JPH1: variants seen among roughly 807,000 people sequenced by gnomAD.
JPH1 encodes the protein junctophilin-1.
Under a neutral mutation model 53.6 loss-of-function variants are expected in JPH1, and 12 were observed. That is an observed-to-expected ratio of 0.22 (90% confidence interval 0.14 to 0.36). The LOEUF (loss-of-function observed/expected upper bound fraction) is 0.36. JPH1 is among the 10% of genes least tolerant of loss of function. The pLI, the probability that JPH1 is intolerant of heterozygous loss-of-function variation, is 1.00. For synonymous variants in JPH1, 375 were observed against 363.8 expected, an observed-to-expected ratio of 1.03 and a Z score of -0.35; for missense variants, 808 against 905.5, an observed-to-expected ratio of 0.89 and a Z score of 1.38.
At chr8:74,251,668 C>A (rs1180397600) in intron 3 of JPH1, among the ~76,000 whole-genome samples, 1 of 152,034 alleles carries the variant, frequency 6.6e-6, no homozygotes, top group Non-Finnish European at 1.5e-5. Flanking sequence ...CTACTAGCAA[C>A]CTTTTTTTCT....
chr8:74,298,198 G>A lies in JPH1; in HGVS notation c.1139+16663C>T, dbSNP rs754490020. On this transcript the variant is annotated intron_variant, in intron 2 of 5. Transcript: ENST00000342232. ...TATCTTTTTATCTATCACCTTGAAT[G>A]TCCACACATCAGATTCACTATCTTT... 6.5e-4 allele frequency among the ~76,000 whole-genome samples: 99 copies of A among 152,142 alleles called. 2 individuals carry two copies. Among genetic ancestry groups the A allele is most frequent in the Non-Finnish European group, 7.1e-4 (48 of 68,034 alleles).
At chr8:74,262,252 A>G (rs1806416135) in intron 2 of JPH1, among the ~76,000 whole-genome samples, 1 of 152,228 alleles carries the variant, frequency 6.6e-6, no homozygotes, top group Admixed American at 6.5e-5. Context: ...CTGTACAGCT[A>G]AGGCCACTGG....
intron 2 of JPH1, among the ~76,000 whole-genome samples, chr8:74,267,822 G>A (rs528233718): frequency 6.6e-6 from 1 of 152,346 alleles, no homozygotes; most frequent in African/African-American, 2.4e-5. Flanking sequence ...GATGCCCACA[G>A]AACAGGAGAA....
intron 4 of JPH1, among the ~76,000 whole-genome samples, chr8:74,240,620 A>C (rs1805668214): frequency 6.6e-6 from 1 of 152,172 alleles, no homozygotes; most frequent in Non-Finnish European, 1.5e-5. Flanking sequence ...TTTGTTCATG[A>C]GTGTTTTAAG....
chr8:74,244,335 G>T (rs1312019009), intron 4 of JPH1, among the ~76,000 whole-genome samples, 194 bp downstream of exon 4: 1 of 152,134 alleles, frequency 6.6e-6, no homozygotes, highest in Non-Finnish European at 1.5e-5. Context: ...ACATAGGGGT[G>T]GTGGGGGGAA....
chr8:74,279,198 C>G (rs1806938779), intron 2 of JPH1, among the ~76,000 whole-genome samples: 1 of 152,154 alleles, frequency 6.6e-6, no homozygotes, highest in African/African-American at 2.4e-5. Context: ...AAACAAAGAC[C>G]TGGTGTGAGG....
chr8:74,291,708 C>A (rs1807331760), intron 2 of JPH1, among the ~76,000 whole-genome samples: 1 of 152,182 alleles, frequency 6.6e-6, no homozygotes, highest in Non-Finnish European at 1.5e-5. Flanking sequence ...TTGACAATAG[C>A]AAAGACTTGG....
intron 2 of JPH1, among the ~76,000 whole-genome samples, chr8:74,277,116 G>C (rs181036495): frequency 6.6e-6 from 1 of 152,336 alleles, no homozygotes; most frequent in African/African-American, 2.4e-5. Context: ...GGTTTCAGCA[G>C]GTGATGCAGG....
rs1808143425 is a variant in JPH1 at position 74,315,859 on chromosome 8, T to C, written c.380-239A>G. 6.6e-6 allele frequency among the ~76,000 whole-genome samples: 1 copy of C among 152,236 alleles called. No homozygotes were observed. The highest frequency in any genetic ancestry group is 1.5e-5 in the Non-Finnish European group (1 of 68,038). On this transcript the variant is annotated intron_variant, in intron 1 of 5. Transcript: ENST00000342232. This position sits in a 1 kb window ranked among gnomAD's most constrained non-coding sequence, Gnocchi z 6.3. Reference sequence around the variant, plus strand: ...AGATAATTTTTGCTTTTCATTAAAATTTTATGCAAGTATTTCAGAGGAAAA... The same window carrying C: ...AGATAATTTTTGCTTTTCATTAAAACTTTATGCAAGTATTTCAGAGGAAAA...
rs779949364 is a variant in JPH1 at position 74,244,988 on chromosome 8, G to T, written c.1446C>A (p.Pro482=). The change falls in exon 4 of 6, where the codon CCC becomes CCA. Residue 482 remains proline, a synonymous_variant. Coordinates refer to ENST00000342232, the MANE Select transcript of JPH1 (RefSeq NM_020647.4). ...HSHSPASSPK[P]LKKQNPSSGA... Reference sequence around the variant, plus strand: ...CTGAGCTGGGGTTTTGCTTCTTCAGGGGCTTTGGGGAGGAAGCAGGAGAGT... The same window carrying T: ...CTGAGCTGGGGTTTTGCTTCTTCAGTGGCTTTGGGGAGGAAGCAGGAGAGT... The T allele has an allele frequency of 3.7e-6, 6 of 1,613,872 alleles. No individual in the cohort carries two copies. The East Asian group carries it at 1.3e-4, about 36-fold the overall frequency.
chr8:74,320,832 C>T lies in JPH1; in HGVS notation c.379+77G>A. 1 of 1,410,034 alleles carries T rather than the reference C, an allele frequency of 7.1e-7. No individual in the cohort carries two copies. The highest frequency in any genetic ancestry group is 9.2e-7 in the Non-Finnish European group (1 of 1,081,704). The allele number at this position is 1,410,034 out of a possible 1,614,324, so 87.3% of individuals were successfully genotyped here. ...TCCGGACACGTGCGCCCGGCGTCCTCCCCGCTTCCCCGCAGCCGGGGCAGA... is the reference window on the plus strand; with the variant it reads ...TCCGGACACGTGCGCCCGGCGTCCTTCCCGCTTCCCCGCAGCCGGGGCAGA... On this transcript the variant is annotated intron_variant, in intron 1 of 5. Transcript: ENST00000342232. The surrounding 1 kb of genome is among the most constrained non-coding windows in gnomAD (Gnocchi z 4.4).
At chr8:74,304,436 T>C (rs1421440065) in intron 2 of JPH1, among the ~76,000 whole-genome samples, 1 of 152,168 alleles carries the variant, frequency 6.6e-6, no homozygotes, top group Non-Finnish European at 1.5e-5. Context: ...GGGGAACAAG[T>C]GTCTGGGGCT....
chr8:74,319,275 C>T (rs1808246839), intron 1 of JPH1, among the ~76,000 whole-genome samples: 1 of 152,254 alleles, frequency 6.6e-6, no homozygotes, highest in East Asian at 1.9e-4. Flanking sequence ...AGAGAACCAT[C>T]CCTGGCCTTC....
intron 1 of JPH1, among the ~76,000 whole-genome samples, chr8:74,317,645 G>T (rs937073425): frequency 1.3e-5 from 2 of 152,270 alleles, no homozygotes; most frequent in East Asian, 1.9e-4. Context: ...TTGGTTAAAA[G>T]AATGCTATAA....
At chr8:74,318,768 A>T (rs1808232069) in intron 1 of JPH1, among the ~76,000 whole-genome samples, 1 of 152,210 alleles carries the variant, frequency 6.6e-6, no homozygotes. Context: ...CTAACTCCTT[A>T]GTGAGAACAG....
intron 3 of JPH1, 74 bp downstream of exon 3, chr8:74,259,311 T>C: frequency 8.7e-7 from 1 of 1,144,300 alleles, no homozygotes; most frequent in East Asian, 2.4e-5. Context: ...CATCTTTATG[T>C]TGAAAGGAAA....
intron 3 of JPH1, among the ~76,000 whole-genome samples, chr8:74,245,472 T>G (rs551771564): frequency 6.4e-4 from 98 of 152,332 alleles, no homozygotes; most frequent in Non-Finnish European, 7.8e-4. Flanking sequence ...ATTAATCTGC[T>G]TGTTCAAATT....
intron 3 of JPH1, among the ~76,000 whole-genome samples, chr8:74,249,955 G>C (rs1293884191): frequency 6.6e-6 from 1 of 152,172 alleles, no homozygotes; most frequent in African/African-American, 2.4e-5. Context: ...ATGATACCCA[G>C]AGAAGCAGGC....
At chr8:74,246,452 T>C (rs1052490517) in intron 3 of JPH1, among the ~76,000 whole-genome samples, 3 of 152,244 alleles carry the variant, frequency 2.0e-5, no homozygotes, top group African/African-American at 7.2e-5. Flanking sequence ...GTAATTGCTC[T>C]TCCCATGGTG....
Sources: gnomAD v4.1 joint callset for allele counts (sites outside exome capture counted in the v4.1 genomes callset) on GRCh38, gnomAD v4.1.1 for gene constraint, Gnocchi (gnomAD v3.1) non-coding constraint, MANE v1.5 for transcripts, NCBI Gene and HGNC (gene_info 2026-07-23, HGNC 2026-07-21) for gene names.